Variants in ABCC4 observed in about 807,000 individuals in gnomAD.
The protein encoded by ABCC4 is ATP binding cassette subfamily C member 4 (PEL blood group).
A neutral mutation model predicts 168.5 loss-of-function variants in ABCC4; 102 were observed. That is an observed-to-expected ratio of 0.61 (90% CI 0.52 to 0.71). The LOEUF is 0.71. ABCC4 is among the 30% of genes least tolerant of loss of function. The pLI is 0.00. For synonymous variants in ABCC4, 617 were observed against 590.7 expected, an observed-to-expected ratio of 1.04 and a Z score of -0.65; for missense variants, 1,402 against 1,605.8, an observed-to-expected ratio of 0.87 and a Z score of 2.17.
Position 95,020,295 on chromosome 13 carries a change from A to G in ABCC4, c.*1280T>C, listed in dbSNP as rs1382175553. The G allele has an allele frequency of 6.6e-6, 1 of 152,300 alleles. No homozygotes were observed. Among genetic ancestry groups the G allele is most frequent in the African/African-American group, 2.4e-5 (1 of 41,466 alleles). 9.4% of individuals were successfully genotyped at this position (152,300 alleles called of 1,614,324 possible). ...CACACGTGTGCATGTCTATATACAT[A>G]TATGCAATTTCAGGGAGGTGACACC... On this transcript the variant is annotated 3_prime_UTR_variant, in exon 31 of 31. Coordinates refer to ENST00000645237, the MANE Select transcript of ABCC4 (RefSeq NM_005845.5).
At chr13:95,225,175 A>T (rs1213262464) in intron 4 of ABCC4, among the ~76,000 whole-genome samples, 2 of 144,656 alleles carry the variant, frequency 1.4e-5, no homozygotes, top group East Asian at 1.9e-4. Flanking sequence ...ACACACACAC[A>T]CACACACACA....
intron 4 of ABCC4, among the ~76,000 whole-genome samples, chr13:95,219,240 C>T (rs370064134): frequency 6.6e-6 from 1 of 152,164 alleles, no homozygotes; most frequent in Non-Finnish European, 1.5e-5. Flanking sequence ...CTGCTATCAC[C>T]AGTTTCTTTG....
chr13:95,174,711 G>T (rs931088003), intron 13 of ABCC4, among the ~76,000 whole-genome samples: 1 of 152,154 alleles, frequency 6.6e-6, no homozygotes, highest in Non-Finnish European at 1.5e-5. Context: ...GGGAATTGTT[G>T]TTTGAGTGAT....
At chr13:95,083,954 T>G (rs1222506315) in intron 20 of ABCC4, among the ~76,000 whole-genome samples, 3 of 152,160 alleles carry the variant, frequency 2.0e-5, no homozygotes, top group Non-Finnish European at 4.4e-5. Flanking sequence ...GTTGATGTTA[T>G]GCGGGAAATG....
intron 3 of ABCC4, among the ~76,000 whole-genome samples, chr13:95,244,649 G>A (rs1163664508): frequency 1.2e-5 from 1 of 86,520 alleles, no homozygotes; most frequent in African/African-American, 5.7e-5. Context: ...AAGAAAGAAA[G>A]AAAGAAAGAA....
rs1167698945 is a variant in ABCC4 at position 95,186,741 on chromosome 13, T to C, written c.1505A>G (p.Glu502Gly). 2 of 1,614,038 alleles carry C rather than the reference T, an allele frequency of 1.2e-6. No individual in the cohort carries two copies. Among genetic ancestry groups the C allele is most frequent in the Non-Finnish European group, 1.7e-6 (2 of 1,180,020 alleles). Residue 502 changes from glutamate (E) to glycine (G), a missense_variant, in exon 11 of 31, where the codon GAA becomes GGA. This residue lies in a region of ABCC4 where 1,007 missense variants were observed against 1,127.3 expected (regional missense o/e 0.89). Coordinates refer to ENST00000645237, the MANE Select transcript of ABCC4 (RefSeq NM_005845.5). ...AGCCTTTATGACTTTTTCATATCGT[T>C]CCTTTTCGTATTTCTTCCCAAATAA... ...NILFGKKYEKERYEKVIKACA... is the reference protein window; with the variant it reads ...NILFGKKYEKGRYEKVIKACA...
intron 8 of ABCC4, among the ~76,000 whole-genome samples, chr13:95,204,443 G>A (rs1239355153): frequency 6.6e-6 from 1 of 152,106 alleles, no homozygotes; most frequent in Non-Finnish European, 1.5e-5. Context: ...CATGGGGGCA[G>A]TTTCCCCTGT....
intron 25 of ABCC4, among the ~76,000 whole-genome samples, chr13:95,065,730 T>C (rs557692563): frequency 6.6e-6 from 1 of 152,334 alleles, no homozygotes; most frequent in Non-Finnish European, 1.5e-5. Flanking sequence ...AAGGAGGCTG[T>C]TAAGTGATGC....
At chr13:95,105,637 C>T (rs1470995581) in intron 20 of ABCC4, among the ~76,000 whole-genome samples, 1 of 152,156 alleles carries the variant, frequency 6.6e-6, no homozygotes, top group Non-Finnish European at 1.5e-5. Flanking sequence ...AAACCTGAAA[C>T]ACAATCAGGT....
intron 10 of ABCC4, among the ~76,000 whole-genome samples, chr13:95,188,166 A>AAC (rs10677775): frequency 0.3 from 45,907 of 151,992 alleles, 6,965 homozygotes; most frequent in East Asian, 0.34. Flanking sequence ...TTCTTAGTCA[A>AAC]TCCATCCTGC....
intron 22 of ABCC4, 125 bp from the exon 23 acceptor site, chr13:95,074,449 C>A: frequency 3.0e-6 from 2 of 665,232 alleles, no homozygotes; most frequent in Non-Finnish European, 5.2e-6. Flanking sequence ...CCCAAGGAAC[C>A]TTTAGATTCC....
chr13:95,142,608 C>T (rs920328499), intron 19 of ABCC4, among the ~76,000 whole-genome samples: 16 of 151,576 alleles, frequency 1.1e-4, no homozygotes, highest in African/African-American at 3.6e-4. Flanking sequence ...TTAAATTTAA[C>T]AAAAGATCAT....
chr13:95,100,138 A>G (rs2034745492), intron 20 of ABCC4, among the ~76,000 whole-genome samples: 1 of 152,242 alleles, frequency 6.6e-6, no homozygotes, highest in Non-Finnish European at 1.5e-5. Flanking sequence ...TAAGGATGCA[A>G]AATGACAAGA....
intron 25 of ABCC4, among the ~76,000 whole-genome samples, chr13:95,068,897 C>T (rs141444641): frequency 9.7e-4 from 148 of 152,312 alleles, no homozygotes; most frequent in African/African-American, 3.4e-3. Flanking sequence ...TCCCCCTGGC[C>T]CCATCAGGAA....
chr13:95,224,022 T>G (rs1359202326), intron 4 of ABCC4, among the ~76,000 whole-genome samples: 1 of 150,168 alleles, frequency 6.7e-6, no homozygotes, highest in Non-Finnish European at 1.5e-5. Context: ...TGAGAATAAG[T>G]CAAAAAAAAC....
At chr13:95,062,610 C>A in intron 26 of ABCC4, 94 bp downstream of exon 26, 4 of 1,200,912 alleles carry the variant, frequency 3.3e-6, no homozygotes, top group South Asian at 3.4e-5. Flanking sequence ...AAAAACAATC[C>A]TTTCATCCAA....
chr13:95,029,164 ATACATATATAT>A (rs1364675820), intron 30 of ABCC4, among the ~76,000 whole-genome samples: 4 of 94,842 alleles, frequency 4.2e-5, no homozygotes, highest in Non-Finnish European at 8.4e-5. Flanking sequence ...TTTAAAAAAA[ATACATATATAT>A]ATATATATAT....
At chr13:95,226,415 T>C in intron 4 of ABCC4, among the ~76,000 whole-genome samples, 1 of 151,940 alleles carries the variant, frequency 6.6e-6, no homozygotes, top group East Asian at 1.9e-4. Flanking sequence ...ACAAAGAAAA[T>C]ATAGATCAAC....
chr13:95,239,164 C>CA (rs67156942), intron 3 of ABCC4, among the ~76,000 whole-genome samples: 19 of 148,094 alleles, frequency 1.3e-4, no homozygotes, highest in East Asian at 3.9e-4. Flanking sequence ...ATGTAAACTG[C>CA]AAAAAAAAAA....
Sources: allele counts gnomAD v4.1 joint callset (sites outside exome capture counted in the v4.1 genomes callset), GRCh38; gene constraint gnomAD v4.1.1; regional missense constraint gnomAD v4.1.1; transcripts MANE v1.5; gene names NCBI Gene and HGNC (gene_info 2026-07-23, HGNC 2026-07-21).